The following CLEC12A variants were observed in gnomAD, a reference collection of about 807,000 sequenced individuals.
The protein encoded by CLEC12A is C-type lectin protein CLL-1.
Under a neutral mutation model 26.5 loss-of-function variants are expected in CLEC12A, and 22 were observed. The ratio of observed to expected loss-of-function variants is 0.83; its 90% CI spans 0.59 to 1.19. The LOEUF (loss-of-function observed/expected upper bound fraction) is 1.19, where lower values mean the gene tolerates loss of function less well. CLEC12A is among the 50% of genes most tolerant of loss of function. The pLI is 0.00. For synonymous variants in CLEC12A, 119 were observed against 101.9 expected, an observed-to-expected ratio of 1.17 and a Z score of -1.01; for missense variants, 353 against 315.6, an observed-to-expected ratio of 1.12 and a Z score of -0.90.
upstream of CLEC12A, among the ~76,000 whole-genome samples, chr12:9,970,553 A>G (rs1864091771): frequency 6.6e-6 from 1 of 152,116 alleles, no homozygotes; most frequent in South Asian, 2.1e-4. Context: ...CCTCACTTCC[A>G]CTTGCATTCT....
rs1437300561 is a variant in CLEC12A at position 9,980,488 on chromosome 12, C to G, written c.380-94C>G. ...AAGAAAAAGAAAGAAGAATAAACAG[C>G]AAATGTGATCAATGTCACACAGAGA... is the stretch of plus-strand genomic sequence containing the variant. On this transcript the variant is annotated intron_variant, in intron 3 of 5. Coordinates refer to ENST00000304361, the MANE Select transcript of CLEC12A (RefSeq NM_138337.6). 6 of 1,207,894 alleles carry G rather than the reference C, an allele frequency of 5.0e-6. No individual in the cohort carries two copies. The Middle Eastern group carries it at 6.5e-4, about 130-fold the overall frequency. 74.8% of individuals were successfully genotyped at this position (1,207,894 alleles called of 1,614,324 possible). A position where few individuals can be genotyped will look rare whatever the true frequency, so the allele number is the denominator to read the frequency against.
At chr12:9,962,005 G>A (rs1039102485) in intron 1 of CLEC12A, among the ~76,000 whole-genome samples, 3 of 152,150 alleles carry the variant, frequency 2.0e-5, no homozygotes, top group African/African-American at 7.2e-5. Flanking sequence ...CTAGGAAATG[G>A]ATATGGAGTT....
At chr12:9,995,247 C>T in exon 5 of CLEC12A, 2 of 1,609,114 alleles carry the variant, frequency 1.2e-6, no homozygotes, top group Non-Finnish European at 1.7e-6. Context: ...TGATGTACTC[C>T]TATTGTAAAC....
At chr12:9,964,712 A>G (rs545261883) in intron 1 of CLEC12A, among the ~76,000 whole-genome samples, 3 of 152,296 alleles carry the variant, frequency 2.0e-5, no homozygotes, top group East Asian at 3.9e-4. Context: ...ATAGATTTCC[A>G]CGATGGAAAG....
chr12:9,967,326 A>C (rs567752009), upstream of CLEC12A, among the ~76,000 whole-genome samples: 54 of 152,156 alleles, frequency 3.5e-4, no homozygotes, highest in Non-Finnish European at 4.9e-4. Context: ...GGCACCTCAG[A>C]CCGTTTGCCT....
At chr12:9,965,234 T>G (rs1863909941) in intron 1 of CLEC12A, among the ~76,000 whole-genome samples, 1 of 152,100 alleles carries the variant, frequency 6.6e-6, no homozygotes, top group South Asian at 2.1e-4. Context: ...CGGTCCCAGC[T>G]CTTGTGTAAG....
chr12:9,986,141 A>T (rs1237930018), downstream of CLEC12A: 3 of 455,448 alleles, frequency 6.6e-6, no homozygotes, highest in Non-Finnish European at 1.3e-5. Flanking sequence ...TCTTCAAAAT[A>T]TCATGATTTG....
At chr12:9,957,669 C>A (rs936847501) in intron 1 of CLEC12A, among the ~76,000 whole-genome samples, 1 of 151,974 alleles carries the variant, frequency 6.6e-6, no homozygotes, top group African/African-American at 2.4e-5. Flanking sequence ...TTTATACAAA[C>A]GAAAGGGCAG....
At chr12:9,998,180 A>T (rs557469699), downstream of CLEC12A, 3 of 858,346 alleles carry the variant, frequency 3.5e-6, no homozygotes, top group South Asian at 1.4e-5. Flanking sequence ...TGTAGAAGTG[A>T]TAAACAGACA....
the CLEC12A span, among the ~76,000 whole-genome samples, chr12:10,004,885 A>G: frequency 6.6e-6 from 1 of 151,922 alleles, no homozygotes; most frequent in Non-Finnish European, 1.5e-5. Context: ...CATTTACATT[A>G]GGTGTATCTC....
intron 4 of CLEC12A, among the ~76,000 whole-genome samples, chr12:9,990,751 G>A (rs573092513): frequency 2.0e-5 from 3 of 152,158 alleles, no homozygotes; most frequent in South Asian, 2.1e-4. Context: ...TAACAGCATC[G>A]CATTCTACAG....
In CLEC12A at chr12:9,976,983, AGCCGCGTGAAAC is replaced by A. The variant is rs1260376802; in HGVS notation, c.92-1982_92-1971del. 1.6e-3 allele frequency among the ~76,000 whole-genome samples: 244 copies of A among 152,272 alleles called. 1 individual carries two copies. The highest frequency in any genetic ancestry group is 1.4e-3 in the East Asian group (7 of 5,182). ...TCCACCATGATTGTGAGGCCTCCCC[AGCCGCGTGAAAC>A]TGTGAATCCATTAAACCTCTCTTTC... On this transcript the variant is annotated intron_variant, in intron 1 of 5. Coordinates refer to ENST00000304361, the MANE Select transcript of CLEC12A (RefSeq NM_138337.6).
At chr12:9,955,125 C>T (rs1486183266) in intron 1 of CLEC12A, among the ~76,000 whole-genome samples, 3 of 152,174 alleles carry the variant, frequency 2.0e-5, no homozygotes, top group East Asian at 3.8e-4. Flanking sequence ...CTCACTCTGT[C>T]GCCCAGGCTG....
At chr12:9,952,989 G>C (rs1235001029) in intron 1 of CLEC12A, 1 of 113,594 alleles carries the variant, frequency 8.8e-6, no homozygotes, top group African/African-American at 3.5e-5. Context: ...CAGCCGCCCC[G>C]TCTGAGAAGT....
rs1360318824 is a variant in CLEC12A at position 9,979,405 on chromosome 12, G to A, written c.260G>A (p.Arg87Lys). ...CAAAACATCAGTGAAGAGCTCCAGA[G>A]AAATATTTCTCTACAACTGATGAGT... is the stretch of plus-strand genomic sequence containing the variant. ...KLQNISEELQ[R>K]NISLQLMSNM... Residue 87 changes from arginine to lysine, a missense_variant, in exon 3 of 6, where the codon AGA becomes AAA. Physicochemically the swap from Arg to Lys is conservative, Grantham distance 26. Transcript: ENST00000304361. 2.5e-6 allele frequency: 4 copies of A among 1,611,352 alleles called. No individual in the cohort carries two copies. The highest frequency in any genetic ancestry group is 3.4e-6 in the Non-Finnish European group (4 of 1,178,524).
intron 1 of CLEC12A, among the ~76,000 whole-genome samples, chr12:9,975,353 T>C (rs1457523365): frequency 6.6e-6 from 1 of 152,068 alleles, no homozygotes; most frequent in Non-Finnish European, 1.5e-5. Flanking sequence ...TTGACAAAAA[T>C]GGTGATAAGG....
At chr12:9,988,169 A>G (rs1209774836), downstream of CLEC12A, among the ~76,000 whole-genome samples, 1 of 152,162 alleles carries the variant, frequency 6.6e-6, no homozygotes, top group Non-Finnish European at 1.5e-5. Context: ...ATAATTCAAC[A>G]TGATGCAGGA....
chr12:9,983,565 C>G (rs745915365), intron 5 of CLEC12A: 1 of 693,612 alleles, frequency 1.4e-6, no homozygotes, highest in Non-Finnish European at 2.6e-6. Context: ...AGAGTCTCAA[C>G]CTGCTGGACA....
chr12:9,970,023 T>C (rs1864068227), upstream of CLEC12A, among the ~76,000 whole-genome samples: 1 of 152,256 alleles, frequency 6.6e-6, no homozygotes, highest in African/African-American at 2.4e-5. Context: ...TAATCATGTT[T>C]TGAATATATT....
Sources: gnomAD v4.1 joint callset for allele counts (sites outside exome capture counted in the v4.1 genomes callset) on GRCh38, gnomAD v4.1.1 for gene constraint, MANE v1.5 for transcripts, NCBI Gene and HGNC (gene_info 2026-07-23, HGNC 2026-07-21) for gene names.